The following CARM1 variants were observed in gnomAD, a reference collection of about 807,000 sequenced individuals.
CARM1 encodes histone-arginine methyltransferase CARM1.
In CARM1, 14 loss-of-function variants were observed where a neutral mutation model predicts 72.7. The ratio of observed to expected loss-of-function variants is 0.19; its 90% confidence interval spans 0.13 to 0.30. The LOEUF (loss-of-function observed/expected upper bound fraction) is 0.30, where lower values mean the gene tolerates loss of function less well. CARM1 is among the 10% of genes least tolerant of loss of function. CARM1 has a pLI of 1.00. For synonymous variants in CARM1, 333 were observed against 345.5 expected (o/e 0.96, Z 0.40); for missense variants, 432 against 833.7 (o/e 0.52, Z 5.93).
At chr19:10,872,598 A>G (rs1456383430) in intron 1 of CARM1, among the ~76,000 whole-genome samples, 1 of 152,010 alleles carries the variant, frequency 6.6e-6, no homozygotes, top group East Asian at 1.9e-4. Context: ...TCGAAGTAAG[A>G]GCTAACAGCC....
intron 5 of CARM1, among the ~76,000 whole-genome samples, 180 bp from the exon 6 acceptor site, chr19:10,913,697 C>A (rs1237496929): frequency 6.6e-6 from 1 of 152,194 alleles, no homozygotes; most frequent in Non-Finnish European, 1.5e-5. Flanking sequence ...CCGTGCCCGG[C>A]CCACAGTGAG....
rs201505830 is a variant in CARM1, at chr19:10,920,042, G to A, written c.1196+76G>A. 22 of 1,114,548 alleles carry A rather than the reference G, an allele frequency of 2.0e-5. No homozygotes were observed. The highest frequency in any genetic ancestry group is 9.5e-5 in the East Asian group (4 of 42,110). The allele number at this position is 1,114,548 out of a possible 1,614,324, so 69.0% of individuals were successfully genotyped here. On this transcript the variant is annotated intron_variant, in intron 10 of 15. Coordinates refer to ENST00000327064, the MANE Select transcript of CARM1 (RefSeq NM_199141.2). The surrounding 1 kb of genome is among the most constrained non-coding windows in gnomAD (Gnocchi z 5.3). ...CCTGCAGCTGCAACCTGGCTGGGGG[G>A]GTGGAACATGGCTCCAGGTTCCACC...
chr19:10,897,894 A>G (rs1388113868), intron 1 of CARM1, among the ~76,000 whole-genome samples: 1 of 151,906 alleles, frequency 6.6e-6, no homozygotes, highest in Non-Finnish European at 1.5e-5. Flanking sequence ...TCACGAGGTC[A>G]GGAGATCGAG....
chr19:10,909,498 C>T (rs905120038), intron 4 of CARM1, among the ~76,000 whole-genome samples: 1 of 151,318 alleles, frequency 6.6e-6, no homozygotes, highest in Non-Finnish European at 1.5e-5. Flanking sequence ...CACTTTGGGA[C>T]GCCCAGGCGG....
Position 10,912,633 on chromosome 19 carries a change from A to G in CARM1, c.669+339A>G, listed in dbSNP as rs558390276. Among the ~76,000 whole-genome samples the G allele has an allele frequency of 2.0e-4, 30 of 150,680 alleles. 1 individual carries two copies. In the South Asian group the frequency reaches 6.3e-3, roughly 32 times the overall value. On this transcript the variant is annotated intron_variant, in intron 5 of 15. Coordinates refer to ENST00000327064, the MANE Select transcript of CARM1 (RefSeq NM_199141.2). This position sits in a 1 kb window ranked among gnomAD's most constrained non-coding sequence, Gnocchi z 4.5. ...CCCAGCTCCCACCCCCAGCCCCATC[A>G]TGAGAGAGGAGCTACGGCCACAAAG...
intron 1 of CARM1, among the ~76,000 whole-genome samples, chr19:10,901,526 T>C (rs1301783861): frequency 2.0e-5 from 3 of 152,130 alleles, no homozygotes; most frequent in Non-Finnish European, 2.9e-5. Context: ...GGTCTTACTA[T>C]GTTGCCCAGG....
At position 10,920,364 on chromosome 19, in the gene CARM1, C is replaced by G; in HGVS notation, c.1197-72C>G. On this transcript the variant is annotated intron_variant, in intron 10 of 15. Transcript: ENST00000327064. This position sits in a 1 kb window ranked among gnomAD's most constrained non-coding sequence, Gnocchi z 5.3. The stretch of plus-strand genomic sequence containing the variant: ...AGGGGGCAGGTGCTTGGGGAGGACT[C>G]AAGGCATACAAGGTGGTGGCTCCAG... 1 of 1,541,588 alleles carries G rather than the reference C, an allele frequency of 6.5e-7. No individual in the cohort carries two copies.
At chr19:10,910,822 C>T (rs1230427626) in intron 4 of CARM1, among the ~76,000 whole-genome samples, 1 of 151,938 alleles carries the variant, frequency 6.6e-6, no homozygotes, top group Non-Finnish European at 1.5e-5. Context: ...CCTCAGCCTC[C>T]CAAAGTGCTT....
chr19:10,892,333 G>A (rs923534459), intron 1 of CARM1, among the ~76,000 whole-genome samples: 4 of 152,236 alleles, frequency 2.6e-5, no homozygotes, highest in African/African-American at 9.6e-5. Flanking sequence ...GGAAGTGCCC[G>A]TTCAGGGCCA....
intron 2 of CARM1, among the ~76,000 whole-genome samples, chr19:10,906,596 G>A (rs983719719): frequency 6.6e-6 from 1 of 152,110 alleles, no homozygotes. Flanking sequence ...CTGAGTAGCC[G>A]GGATTACAGG....
At chr19:10,878,588 A>G (rs1041432939) in intron 1 of CARM1, among the ~76,000 whole-genome samples, 1 of 152,222 alleles carries the variant, frequency 6.6e-6, no homozygotes, top group African/African-American at 2.4e-5. Context: ...GGCAGCAGAG[A>G]TGGCTTTGGC....
intron 1 of CARM1, among the ~76,000 whole-genome samples, chr19:10,891,347 T>C (rs900084157): frequency 6.6e-6 from 1 of 152,130 alleles, no homozygotes; most frequent in Non-Finnish European, 1.5e-5. Flanking sequence ...GTGGCAGAGC[T>C]CAGGTTCAAA....
At chr19:10,874,850 C>T (rs1664512948) in intron 1 of CARM1, among the ~76,000 whole-genome samples, 1 of 152,112 alleles carries the variant, frequency 6.6e-6, no homozygotes, top group Admixed American at 6.5e-5. Context: ...GGCAAAATCT[C>T]GTCTCTGCTA....
At chr19:10,894,365 C>T (rs147840210) in intron 1 of CARM1, among the ~76,000 whole-genome samples, 4 of 151,884 alleles carry the variant, frequency 2.6e-5, no homozygotes, top group South Asian at 2.1e-4. Context: ...CTTCAGAAAG[C>T]GTGTTTTTTT....
intron 1 of CARM1, among the ~76,000 whole-genome samples, chr19:10,898,558 C>T (rs1030607620): frequency 4.6e-5 from 7 of 152,242 alleles, no homozygotes; most frequent in African/African-American, 9.6e-5. Flanking sequence ...CCCCCTTCCG[C>T]GGCTCCCATA....
chr19:10,921,597 C>T lies in CARM1; in HGVS notation c.1685-18C>T, dbSNP rs371676863. ...GGCGGGCCAGGGCAGCCCCTCACTG[C>T]CATTGCCTGCTCCACAGGGTCCTCC... On this transcript the variant is annotated intron_variant, in intron 15 of 15. Coordinates refer to ENST00000327064, the MANE Select transcript of CARM1 (RefSeq NM_199141.2). 6.2e-7 allele frequency: 1 copy of T among 1,602,928 alleles called. No individual in the cohort carries two copies. The highest frequency in any genetic ancestry group is 1.1e-5 in the South Asian group (1 of 90,020).
rs1183802342 is a variant in CARM1, at chr19:10,921,980, AATC to A, written c.*226_*228del. 4.2e-6 allele frequency: 2 copies of A among 476,110 alleles called. No homozygotes were observed. Among genetic ancestry groups the A allele is most frequent in the Non-Finnish European group, 7.4e-6 (2 of 268,552 alleles). The allele number at this position is 476,110 out of a possible 1,614,324, so 29.5% of individuals were successfully genotyped here. A position where few individuals can be genotyped will look rare whatever the true frequency, so the allele number is the denominator to read the frequency against. On this transcript the variant is annotated 3_prime_UTR_variant, in exon 16 of 16. Coordinates refer to ENST00000327064, the MANE Select transcript of CARM1 (RefSeq NM_199141.2). ...TGTGTCGCTGCCATATTTTACACAA[AATC>A]ATGTTGTGGGAGCCCTCGTCCCCCC...
intron 1 of CARM1, among the ~76,000 whole-genome samples, chr19:10,890,264 T>TTC (rs747457164): frequency 7.1e-6 from 1 of 140,108 alleles, no homozygotes; most frequent in Non-Finnish European, 1.6e-5. Flanking sequence ...TTTTTTGTTT[T>TTC]GTTTGTTTTT....
At chr19:10,913,827 C>G in intron 5 of CARM1, 50 bp from the exon 6 acceptor site, 1 of 1,576,946 alleles carries the variant, frequency 6.3e-7, no homozygotes, top group Non-Finnish European at 8.6e-7. Flanking sequence ...TAGGGAGGGC[C>G]CCATGGCAGG....
Sources: allele counts gnomAD v4.1 joint callset (sites outside exome capture counted in the v4.1 genomes callset), GRCh38; gene constraint gnomAD v4.1.1; non-coding constraint Gnocchi (gnomAD v3.1); transcripts MANE v1.5; gene names NCBI Gene and HGNC (gene_info 2026-07-23, HGNC 2026-07-21).